Variants in AGBL1 observed in about 807,000 individuals in gnomAD.
The protein encoded by AGBL1 is AGBL carboxypeptidase 1.
AGBL1 carries 130 observed loss-of-function variants against 118.9 expected under a neutral mutation model. The observed-to-expected ratio is 1.09, with a 90% CI of 0.95 to 1.26. AGBL1 has a LOEUF of 1.26. Among genes scored for constraint, AGBL1 ranks in the 50% most tolerant of loss-of-function variants. The probability of loss-of-function intolerance (pLI) is 0.00; values close to 1 mark genes in which losing one functional copy is unlikely to be tolerated. For synonymous variants in AGBL1, 555 were observed against 478.9 expected (o/e 1.16, Z -2.08); for missense variants, 1,584 against 1,298.1 (o/e 1.22, Z -3.38).
intron 24 of AGBL1, among the ~76,000 whole-genome samples, chr15:87,011,488 G>C (rs985342443): frequency 1.3e-5 from 2 of 152,206 alleles, no homozygotes; most frequent in African/African-American, 4.8e-5. Context: ...TTAAATAAGA[G>C]ATAAATTACT....
chr15:86,704,815 A>G (rs2086419267), intron 22 of AGBL1, among the ~76,000 whole-genome samples: 1 of 152,230 alleles, frequency 6.6e-6, no homozygotes, highest in South Asian at 2.1e-4. Flanking sequence ...TCATTCTACT[A>G]TAAAGACACA....
rs879539448 is a variant in AGBL1 at position 86,529,887 on chromosome 15, A to C, written c.2685+6948A>C. Among the ~76,000 whole-genome samples the C allele has an allele frequency of 2.3e-3, 326 of 142,578 alleles. 3 individuals carry two copies. Among genetic ancestry groups the C allele is most frequent in the Non-Finnish European group, 4.0e-3 (262 of 65,994 alleles). The allele number at this position is 142,578 out of a possible 152,430, so 93.5% of individuals were successfully genotyped here. On this transcript the variant is annotated intron_variant, in intron 19 of 22. Transcript: ENST00000614907. ...TTCATAAGTGAAGGAGAAATAAAAT[A>C]CTTTACAGACAAGCAAATGCTGAGA...
intron 18 of AGBL1, among the ~76,000 whole-genome samples, chr15:86,432,331 G>T (rs1480210291): frequency 6.6e-6 from 1 of 152,062 alleles, no homozygotes; most frequent in African/African-American, 2.4e-5. Flanking sequence ...ATCTCCCTAG[G>T]TTCCTCTGGG....
At chr15:86,924,459 C>G (rs924831199) in intron 23 of AGBL1, among the ~76,000 whole-genome samples, 1 of 152,158 alleles carries the variant, frequency 6.6e-6, no homozygotes, top group Non-Finnish European at 1.5e-5. Flanking sequence ...GTAATATTAG[C>G]TATTGAAAAG....
At chr15:86,179,970 A>T (rs889410989) in intron 5 of AGBL1, among the ~76,000 whole-genome samples, 1 of 152,168 alleles carries the variant, frequency 6.6e-6, no homozygotes, top group African/African-American at 2.4e-5. Flanking sequence ...AAATGTAAAA[A>T]CTTAGGGATA....
exon 25 of AGBL1, chr15:87,028,875 C>T: frequency 6.3e-7 from 1 of 1,590,514 alleles, no homozygotes; most frequent in Non-Finnish European, 8.6e-7. Flanking sequence ...TATTGAAGTT[C>T]ATGCCATGTG....
At chr15:86,793,322 G>C (rs940351498) in intron 22 of AGBL1, among the ~76,000 whole-genome samples, 3 of 152,158 alleles carry the variant, frequency 2.0e-5, no homozygotes, top group African/African-American at 7.2e-5. Flanking sequence ...TGATAATCCA[G>C]ATATAAACCC....
intron 5 of AGBL1, among the ~76,000 whole-genome samples, chr15:86,206,019 C>T (rs553183865): frequency 6.6e-6 from 1 of 152,224 alleles, no homozygotes; most frequent in South Asian, 2.1e-4. Flanking sequence ...ATGTTCCCTG[C>T]CCTGTGTCCA....
intron 22 of AGBL1, among the ~76,000 whole-genome samples, chr15:86,894,770 A>G (rs578178739): frequency 3.2e-4 from 49 of 152,300 alleles, no homozygotes; most frequent in African/African-American, 1.1e-3. Context: ...GTATCTAGTC[A>G]AAGAGAGTGG....
chr15:86,542,356 ATTTTTTTTT>A (rs71144054), intron 19 of AGBL1, among the ~76,000 whole-genome samples: 2,153 of 116,328 alleles, frequency 0.019, 31 homozygotes, highest in Middle Eastern at 0.053. Flanking sequence ...CACCATTGAG[ATTTTTTTTT>A]TTTTTTTTTT....
chr15:86,693,264 G>A (rs938948082), intron 22 of AGBL1, among the ~76,000 whole-genome samples: 1 of 151,508 alleles, frequency 6.6e-6, no homozygotes, highest in Admixed American at 6.6e-5. Context: ...CATCCACACC[G>A]ACATCTATTT....
intron 22 of AGBL1, among the ~76,000 whole-genome samples, chr15:86,897,250 C>T (rs1336369056): frequency 6.6e-6 from 1 of 152,134 alleles, no homozygotes; most frequent in African/African-American, 2.4e-5. Context: ...TCCAAGCACC[C>T]TCTTTGACAT....
chr15:86,213,705 CTAGT>C (rs2078138703), intron 5 of AGBL1, among the ~76,000 whole-genome samples: 2 of 152,088 alleles, frequency 1.3e-5, no homozygotes, highest in South Asian at 2.1e-4. Context: ...AGAGGGATGA[CTAGT>C]TAGTCATCAA....
intron 22 of AGBL1, among the ~76,000 whole-genome samples, chr15:86,827,991 A>G (rs916936803): frequency 1.4e-5 from 1 of 70,764 alleles, no homozygotes; most frequent in Non-Finnish European, 2.8e-5. Context: ...CCCGGGCTGG[A>G]GTGCAGTTGT....
intron 18 of AGBL1, among the ~76,000 whole-genome samples, chr15:86,504,533 G>A (rs371918769): frequency 6.6e-6 from 1 of 151,084 alleles, no homozygotes; most frequent in African/African-American, 2.4e-5. Context: ...AATATTCAAG[G>A]CACTATTTAA....
chr15:86,403,226 C>G (rs963882256), intron 18 of AGBL1, among the ~76,000 whole-genome samples: 1 of 152,030 alleles, frequency 6.6e-6, no homozygotes, highest in African/African-American at 2.4e-5. Flanking sequence ...GTGGTAGTAA[C>G]AAAATAATTT....
Position 86,160,107 on chromosome 15 carries a change from T to G in AGBL1, c.488+1081T>G, listed in dbSNP as rs907239324. 2.6e-5 allele frequency among the ~76,000 whole-genome samples: 4 copies of G among 151,112 alleles called. No homozygotes were observed. In the East Asian group the frequency reaches 7.8e-4, roughly 29 times the overall value. On this transcript the variant is annotated intron_variant, in intron 5 of 22. Transcript: ENST00000614907. ...TTAGTCAGGGAACTGTGGTTTTTTT[T>G]TTTTTTTTTTTTTGAGATCACCTTT...
chr15:86,796,484 C>T (rs2881581), intron 22 of AGBL1, among the ~76,000 whole-genome samples: 15,745 of 152,172 alleles, frequency 0.1, 1,540 homozygotes, highest in African/African-American at 0.23. Context: ...TCCGAAATAC[C>T]TCTAACCAAA....
At chr15:87,010,630 T>A (rs1273498251) in intron 24 of AGBL1, among the ~76,000 whole-genome samples, 8 of 152,186 alleles carry the variant, frequency 5.3e-5, no homozygotes, top group Non-Finnish European at 1.2e-4. Context: ...CTGCTCCCCA[T>A]CCTGGATTCT....
Sources: allele counts gnomAD v4.1 joint callset (sites outside exome capture counted in the v4.1 genomes callset), GRCh38; gene constraint gnomAD v4.1.1; transcripts MANE v1.5; gene names NCBI Gene and HGNC (gene_info 2026-07-23, HGNC 2026-07-21).